Variants in CRACDL observed in about 807,000 individuals in gnomAD.
The protein encoded by CRACDL is CRACD like, also known as CRACD-like protein.
Under a neutral mutation model 70.6 loss-of-function variants are expected in CRACDL, and 26 were observed. That is an observed-to-expected ratio of 0.37 (90% CI 0.27 to 0.51). The LOEUF is 0.51. CRACDL is among the 20% of genes least tolerant of loss of function. The probability of loss-of-function intolerance (pLI) is 0.94; values close to 1 mark genes in which losing one functional copy is unlikely to be tolerated. For missense variants in CRACDL, 1,283 were observed against 1,376.9 expected, an observed-to-expected ratio of 0.93 and a Z score of 1.08; for synonymous variants, 618 against 615.2, an observed-to-expected ratio of 1.00 and a Z score of -0.07.
chr2:98,826,312 T>A (rs1400258193), intron 6 of CRACDL, among the ~76,000 whole-genome samples: 1 of 152,240 alleles, frequency 6.6e-6, no homozygotes, highest in African/African-American at 2.4e-5. Context: ...GCTTCTTTCA[T>A]TCACTCATTT....
At chr2:98,898,454 C>T (rs1165413439) in intron 1 of CRACDL, among the ~76,000 whole-genome samples, 1 of 152,222 alleles carries the variant, frequency 6.6e-6, no homozygotes, top group African/African-American at 2.4e-5. Context: ...CCAGGGTGAC[C>T]AGCCAGCTCT....
intron 1 of CRACDL, among the ~76,000 whole-genome samples, chr2:98,921,152 G>A (rs1708792648): frequency 6.6e-6 from 1 of 152,224 alleles, no homozygotes; most frequent in African/African-American, 2.4e-5. Context: ...TGGAAATCAA[G>A]TCTGCCTGAC....
chr2:98,927,861 G>A (rs377419762), intron 1 of CRACDL, among the ~76,000 whole-genome samples: 1 of 152,256 alleles, frequency 6.6e-6, no homozygotes, highest in East Asian at 1.9e-4. Context: ...TGGAAAAGAG[G>A]CTCAACTTGT....
intron 1 of CRACDL, among the ~76,000 whole-genome samples, chr2:98,896,026 G>A (rs890762345): frequency 2.0e-5 from 3 of 152,192 alleles, no homozygotes; most frequent in Non-Finnish European, 4.4e-5. Context: ...CCAGGACTGT[G>A]AGCAAACAAT....
chr2:98,811,417 G>A (rs904921205), intron 7 of CRACDL, among the ~76,000 whole-genome samples: 2 of 150,808 alleles, frequency 1.3e-5, no homozygotes, highest in Non-Finnish European at 2.9e-5. Flanking sequence ...GGCTGAGGCA[G>A]GAGAATTGCT....
intron 1 of CRACDL, among the ~76,000 whole-genome samples, chr2:98,881,619 C>A (rs184076156): frequency 1.5e-3 from 227 of 152,246 alleles, no homozygotes; most frequent in African/African-American, 5.2e-3. Flanking sequence ...TGAGTGTGAC[C>A]CTCGTGTCAT....
rs926709107 is a variant in CRACDL, at chr2:98,823,825, G to A, written c.736-288C>T. Among the ~76,000 whole-genome samples the A allele has an allele frequency of 5.9e-5, 9 of 152,204 alleles. No individual in the cohort carries two copies. Among genetic ancestry groups the A allele is most frequent in the Admixed American group, 3.3e-4 (5 of 15,284 alleles). On this transcript the variant is annotated intron_variant, in intron 6 of 9. Coordinates refer to ENST00000397899, the MANE Select transcript of CRACDL (RefSeq NM_207362.3). The surrounding 1 kb of genome is among the most constrained non-coding windows in gnomAD (Gnocchi z 4.0). ...GACTAGAGTAACGCCAAGGGAAGGC[G>A]ACCAACAGCAGCCAGTGTCTGCTAT...
At chr2:98,799,801 C>T (rs1703997584) in intron 7 of CRACDL, among the ~76,000 whole-genome samples, 1 of 152,204 alleles carries the variant, frequency 6.6e-6, no homozygotes, top group African/African-American at 2.4e-5. Flanking sequence ...TGGTCCTCAA[C>T]CTGCTTCACC....
At chr2:98,814,560 A>C (rs1704705565) in intron 7 of CRACDL, among the ~76,000 whole-genome samples, 1 of 152,190 alleles carries the variant, frequency 6.6e-6, no homozygotes, top group African/African-American at 2.4e-5. Flanking sequence ...GAATTTAATA[A>C]GGGCTGTTTA....
Position 98,822,708 on chromosome 2 carries a change from G to A in CRACDL, c.1565C>T (p.Pro522Leu), listed in dbSNP as rs1705122245. The A allele has an allele frequency of 7.9e-6, 10 of 1,263,264 alleles. No individual in the cohort carries two copies. Among genetic ancestry groups the A allele is most frequent in the Non-Finnish European group, 9.9e-6 (10 of 1,007,938 alleles). 78.3% of individuals were successfully genotyped at this position (1,263,264 alleles called of 1,614,324 possible). The change falls in exon 7 of 10, where the codon CCG becomes CTG. Residue 522 changes from proline (P) to leucine (L), a missense_variant. Pro to Leu is a moderately conservative substitution (Grantham distance 98). This residue lies in a region of CRACDL where 921 missense variants were observed against 881.9 expected (regional missense o/e 1.04). Coordinates refer to ENST00000397899, the MANE Select transcript of CRACDL (RefSeq NM_207362.3). The surrounding 1 kb of genome is among the most constrained non-coding windows in gnomAD (Gnocchi z 4.9). ...GAGGGAACCGGGGCCGGGCTCCACC[G>A]GGGGAGACTCCGCAGCGGCAAGCGG... ...SPPLAAAESP[P>L]VEPGPGSLDA...
chr2:98,876,422 G>A (rs371956425), intron 1 of CRACDL, among the ~76,000 whole-genome samples: 9 of 152,138 alleles, frequency 5.9e-5, no homozygotes, highest in Non-Finnish European at 1.2e-4. Flanking sequence ...GGTAAGTAGC[G>A]GGCGAGCAAA....
intron 3 of CRACDL, among the ~76,000 whole-genome samples, chr2:98,836,457 G>C (rs565997586): frequency 6.6e-6 from 1 of 152,316 alleles, no homozygotes; most frequent in Admixed American, 6.5e-5. Flanking sequence ...CAGTCACTGA[G>C]GGCCAGCTCC....
intron 1 of CRACDL, among the ~76,000 whole-genome samples, chr2:98,867,299 C>T (rs1221753522): frequency 6.6e-6 from 1 of 152,150 alleles, no homozygotes; most frequent in African/African-American, 2.4e-5. Context: ...GACAAATTAA[C>T]TAACTTAGCT....
chr2:98,904,187 C>T (rs1453758977), intron 1 of CRACDL, among the ~76,000 whole-genome samples: 1 of 152,250 alleles, frequency 6.6e-6, no homozygotes, highest in Non-Finnish European at 1.5e-5. Flanking sequence ...GAGGGGCCCA[C>T]TTTCCACGCA....
At chr2:98,878,191 C>T (rs2104610547) in intron 1 of CRACDL, among the ~76,000 whole-genome samples, 1 of 152,320 alleles carries the variant, frequency 6.6e-6, no homozygotes, top group Non-Finnish European at 1.5e-5. Context: ...GGGTGATCCA[C>T]CTGCCTTGGC....
chr2:98,797,479 G>C lies in CRACDL; in HGVS notation c.2475C>G (p.Pro825=). The part of the protein sequence containing the change: ...GPGADGQPAP[P]WITVTRQKRR... ...GCTTCTGCCGAGTGACGGTGATCCA[G>C]GGTGGCGCAGGCTGCCCATCAGCTC... Residue 825 remains proline, a synonymous_variant, in exon 8 of 10, where the codon CCC becomes CCG. Coordinates refer to ENST00000397899, the MANE Select transcript of CRACDL (RefSeq NM_207362.3). 1 of 1,614,230 alleles carries C rather than the reference G, an allele frequency of 6.2e-7. No homozygotes were observed.
intron 1 of CRACDL, among the ~76,000 whole-genome samples, chr2:98,908,019 C>A (rs1708458014): frequency 6.6e-6 from 1 of 152,204 alleles, no homozygotes. Context: ...TCAATAAACC[C>A]ATGGGAATAG....
chr2:98,877,334 C>T (rs78765107), intron 1 of CRACDL, among the ~76,000 whole-genome samples: 7,243 of 152,292 alleles, frequency 0.048, 319 homozygotes, highest in South Asian at 0.17. Context: ...CACCACGTAA[C>T]GGTGTTTCAG....
rs747324764 is a variant in CRACDL, at chr2:98,832,917, C to T, written c.320G>A (p.Arg107Gln). Residue 107 changes from arginine (R) to glutamine (Q), a missense_variant, in exon 4 of 10, where the codon CGG becomes CAG. By Grantham distance (43) the Arg-to-Gln change is conservative. Around this residue, in one of 2 missense-constraint regions of CRACDL, gnomAD observed 362 missense variants for 495.0 expected, o/e 0.73. Coordinates refer to ENST00000397899, the MANE Select transcript of CRACDL (RefSeq NM_207362.3). ...FIPESGQDAT[R>Q]PVRVFSQENV... ...TTCTTGGGAAAACACCCGCACAGGCCGAGTAGCGTCCTGTCCGGACTCAGG... is the reference window on the plus strand; with the variant it reads ...TTCTTGGGAAAACACCCGCACAGGCTGAGTAGCGTCCTGTCCGGACTCAGG... 9 of 1,614,166 alleles carry T rather than the reference C, an allele frequency of 5.6e-6. No individual in the cohort carries two copies. The highest frequency in any genetic ancestry group is 5.0e-5 in the Admixed American group (3 of 60,024).
Sources: gnomAD v4.1 joint callset for allele counts (sites outside exome capture counted in the v4.1 genomes callset) on GRCh38, gnomAD v4.1.1 for gene constraint, gnomAD v4.1.1 regional missense constraint, Gnocchi (gnomAD v3.1) non-coding constraint, MANE v1.5 for transcripts, NCBI Gene and HGNC (gene_info 2026-07-23, HGNC 2026-07-21) for gene names.